INSYN2B: variants seen among roughly 807,000 people sequenced by gnomAD.
The protein encoded by INSYN2B is protein INSYN2B.
In INSYN2B, 16 loss-of-function variants were observed where a neutral mutation model predicts 41.2. That is an observed-to-expected ratio of 0.39 (90% CI 0.26 to 0.59). The LOEUF (loss-of-function observed/expected upper bound fraction) is 0.59, where lower values mean the gene tolerates loss of function less well. INSYN2B is among the 20% of genes least tolerant of loss of function. INSYN2B has a pLI of 0.57. For missense variants in INSYN2B, 608 were observed against 646.4 expected (o/e 0.94, Z 0.64); for synonymous variants, 245 against 244.4 (o/e 1.00, Z -0.02).
intron 1 of INSYN2B, among the ~76,000 whole-genome samples, chr5:169,978,682 G>C (rs980709576): frequency 6.6e-6 from 1 of 152,058 alleles, no homozygotes; most frequent in Admixed American, 6.5e-5. Context: ...TTCCAAGTGT[G>C]CAAGACCTCC....
rs371270023 is a variant in INSYN2B at position 169,883,372 on chromosome 5, T to G, written c.527A>C (p.Lys176Thr). 2.6e-6 allele frequency: 4 copies of G among 1,551,566 alleles called. No individual in the cohort carries two copies. The highest frequency in any genetic ancestry group is 2.7e-5 in the African/African-American group (2 of 73,026). The stretch of plus-strand genomic sequence containing the variant: ...GCTAACAGGACCATTGCTTTGCACC[T>G]TGGGGACCCTTGGGAGGAATGCATG... ...VSHAFLPRVP[K>T]VQSNGPVSIC... The change falls in exon 2 of 4, where the codon AAG becomes ACG. Residue 176 changes from lysine (K) to threonine (T), a missense_variant. Transcript: ENST00000377365.
intron 1 of INSYN2B, among the ~76,000 whole-genome samples, chr5:169,894,627 T>A (rs1317334225): frequency 6.6e-6 from 1 of 152,212 alleles, no homozygotes; most frequent in Non-Finnish European, 1.5e-5. Context: ...ACAAGCAGTT[T>A]GCAAAAGCGC....
chr5:169,907,835 T>G (rs1774372574), intron 1 of INSYN2B, among the ~76,000 whole-genome samples: 1 of 152,020 alleles, frequency 6.6e-6, no homozygotes, highest in Admixed American at 6.6e-5. Flanking sequence ...TGGGAGGGGG[T>G]GCTACTGGCA....
At chr5:169,938,839 T>A (rs1776105189) in intron 1 of INSYN2B, among the ~76,000 whole-genome samples, 1 of 152,200 alleles carries the variant, frequency 6.6e-6, no homozygotes, top group East Asian at 1.9e-4. Flanking sequence ...AAATATTGTA[T>A]AACTGTGCAA....
chr5:169,953,508 T>G (rs2113730215), intron 1 of INSYN2B, among the ~76,000 whole-genome samples: 1 of 152,238 alleles, frequency 6.6e-6, no homozygotes, highest in East Asian at 1.9e-4. Flanking sequence ...TTGAATGAGA[T>G]TAAGTCCTGT....
At chr5:169,878,967 G>A (rs1467175964) in intron 3 of INSYN2B, among the ~76,000 whole-genome samples, 5 of 152,204 alleles carry the variant, frequency 3.3e-5, no homozygotes, top group African/African-American at 1.2e-4. Flanking sequence ...GAGATAGGAT[G>A]TATCCAAGTG....
intron 3 of INSYN2B, among the ~76,000 whole-genome samples, chr5:169,865,985 G>A (rs548733570): frequency 7.9e-5 from 12 of 152,320 alleles, no homozygotes; most frequent in African/African-American, 2.4e-4. Context: ...AGAGTGCCTC[G>A]TCCCTGAGCA....
At chr5:169,878,063 C>A (rs1772431088) in intron 3 of INSYN2B, among the ~76,000 whole-genome samples, 1 of 152,174 alleles carries the variant, frequency 6.6e-6, no homozygotes, top group Admixed American at 6.5e-5. Flanking sequence ...AATGCGTGAT[C>A]TCTGTAATCA....
At chr5:169,885,331 A>G (rs1229593010) in intron 1 of INSYN2B, among the ~76,000 whole-genome samples, 2 of 152,164 alleles carry the variant, frequency 1.3e-5, no homozygotes, top group Admixed American at 6.5e-5. Flanking sequence ...CTGGCTCACT[A>G]TAGGTGCTTA....
chr5:169,905,523 A>G (rs557456463), intron 1 of INSYN2B, among the ~76,000 whole-genome samples: 2 of 152,314 alleles, frequency 1.3e-5, no homozygotes, highest in South Asian at 4.1e-4. Context: ...GGGAGAGGAC[A>G]GTTTGTGGCA....
rs1278975525 is a variant in INSYN2B at position 169,941,042 on chromosome 5, G to T, written c.-919+39235C>A. On this transcript the variant is annotated intron_variant, in intron 1 of 3. Transcript: ENST00000377365. Reference sequence around the variant, plus strand: ...CAGAAAGCCTGCCCTCATGAAGTGTGCTTCAGTGGGGTAGGCAGATATTAA... The same window carrying T: ...CAGAAAGCCTGCCCTCATGAAGTGTTCTTCAGTGGGGTAGGCAGATATTAA... Among the ~76,000 whole-genome samples, 3 of 152,316 alleles carry T rather than the reference G, an allele frequency of 2.0e-5. 1 individual carries two copies. Among genetic ancestry groups the T allele is most frequent in the Admixed American group, 2.0e-4 (3 of 15,304 alleles).
intron 1 of INSYN2B, among the ~76,000 whole-genome samples, chr5:169,971,017 G>T (rs1777484487): frequency 6.6e-6 from 1 of 152,128 alleles, no homozygotes; most frequent in Admixed American, 6.5e-5. Context: ...CTGCGTTCAT[G>T]CCAAGCTGCT....
At chr5:169,922,696 A>G (rs1399233109) in intron 1 of INSYN2B, among the ~76,000 whole-genome samples, 3 of 152,216 alleles carry the variant, frequency 2.0e-5, no homozygotes, top group Non-Finnish European at 4.4e-5. Context: ...AGCTTAATGT[A>G]TACTTGAGCT....
chr5:169,875,418 A>G (rs1413283100), intron 3 of INSYN2B: 8 of 402,796 alleles, frequency 2.0e-5, no homozygotes, highest in South Asian at 8.9e-5. Context: ...CCCTTGGCTG[A>G]GTGGAACTCA....
intron 3 of INSYN2B, chr5:169,875,077 G>A (rs1258138064): frequency 5.1e-6 from 2 of 395,950 alleles, no homozygotes; most frequent in Non-Finnish European, 1.0e-5. Context: ...AAGAACTAAA[G>A]CTACTCTCTG....
chr5:169,862,858 G>T lies in INSYN2B; in HGVS notation c.*1415C>A, dbSNP rs1038899498. ...ATCCCACGAACACACAGGATTCTGT[G>T]CTCTGCAAAGATTCTAGCTTAGACA... On this transcript the variant is annotated 3_prime_UTR_variant, in exon 4 of 4. Coordinates refer to ENST00000377365, the MANE Select transcript of INSYN2B (RefSeq NM_001129891.3). Among the ~76,000 whole-genome samples the T allele has an allele frequency of 3.9e-5, 6 of 152,214 alleles. No homozygotes were observed. The highest frequency in any genetic ancestry group is 7.3e-5 in the Non-Finnish European group (5 of 68,040).
At chr5:169,935,232 G>C (rs1374268159) in intron 1 of INSYN2B, among the ~76,000 whole-genome samples, 1 of 132,172 alleles carries the variant, frequency 7.6e-6, no homozygotes, top group African/African-American at 3.3e-5. Context: ...TTTGTACACT[G>C]TTTGCTGTGA....
At chr5:169,890,345 T>C (rs1159512254) in intron 1 of INSYN2B, among the ~76,000 whole-genome samples, 2 of 152,206 alleles carry the variant, frequency 1.3e-5, no homozygotes, top group African/African-American at 4.8e-5. Flanking sequence ...ATCATTCACC[T>C]CTGGGCCTTG....
intron 3 of INSYN2B, among the ~76,000 whole-genome samples, chr5:169,874,702 C>T (rs1772213875): frequency 6.6e-6 from 1 of 152,180 alleles, no homozygotes; most frequent in Non-Finnish European, 1.5e-5. Context: ...TTTAATTACT[C>T]TCAACCTTTG....
Sources: allele counts gnomAD v4.1 joint callset (sites outside exome capture counted in the v4.1 genomes callset), GRCh38; gene constraint gnomAD v4.1.1; transcripts MANE v1.5; gene names NCBI Gene and HGNC (gene_info 2026-07-23, HGNC 2026-07-21).